SDK1: variants seen among roughly 807,000 people sequenced by gnomAD.
SDK1 encodes the protein protein sidekick-1.
A neutral mutation model predicts 245.5 loss-of-function variants in SDK1; 157 were observed. That is an observed-to-expected ratio of 0.64 (90% CI 0.56 to 0.73). The LOEUF (loss-of-function observed/expected upper bound fraction) is 0.73. Ranked by LOEUF, SDK1 falls within the 30% of genes least tolerant of loss-of-function variation. The pLI is 0.00. For missense variants in SDK1, 3,583 were observed against 3,002.3 expected, an observed-to-expected ratio of 1.19 and a Z score of -4.52; for synonymous variants, 1,647 against 1,278.5, an observed-to-expected ratio of 1.29 and a Z score of -6.15.
chr7:3,740,649 T>G (rs1779452760), intron 4 of SDK1, among the ~76,000 whole-genome samples: 1 of 152,194 alleles, frequency 6.6e-6, no homozygotes, highest in Admixed American at 6.5e-5. Flanking sequence ...ACTGTTGGTT[T>G]TCAAGGGTCC....
rs189387597 is a variant in SDK1, at chr7:4,037,406, G to C, written c.2603-11942G>C. On this transcript the variant is annotated intron_variant, in intron 17 of 44. Transcript: ENST00000404826. ...GGATGAGGTGGGGGGATCAGTGGAA[G>C]CCAGGGGCTTGAGACCAGCTTGGGC... Among the ~76,000 whole-genome samples, 578 of 152,238 alleles carry C rather than the reference G, an allele frequency of 3.8e-3. 2 individuals are homozygous for C. Among genetic ancestry groups the C allele is most frequent in the African/African-American group, 8.2e-3 (340 of 41,544 alleles).
Position 3,987,263 on chromosome 7 carries a change from T to C in SDK1, c.2072T>C (p.Val691Ala). The C allele has an allele frequency of 6.2e-7, 1 of 1,614,112 alleles. No individual in the cohort carries two copies. Among genetic ancestry groups the C allele is most frequent in the Non-Finnish European group, 8.5e-7 (1 of 1,179,996 alleles). ...SHSHAVVLSW[V>A]RPFDGNSPIL... Reference sequence around the variant, plus strand: ...AGCCACGCCGTGGTGCTCTCTTGGGTCCGGCCCTTTGATGGAAACAGTCCT... The same window carrying C: ...AGCCACGCCGTGGTGCTCTCTTGGGCCCGGCCCTTTGATGGAAACAGTCCT... Residue 691 changes from valine to alanine, a missense_variant, in exon 14 of 45, where the codon GTC (valine) becomes GCC (alanine). Coordinates refer to ENST00000404826, the MANE Select transcript of SDK1 (RefSeq NM_152744.4).
chr7:4,170,749 A>G (rs637766), intron 32 of SDK1, among the ~76,000 whole-genome samples: 42,296 of 151,934 alleles, frequency 0.28, 7,614 homozygotes, highest in African/African-American at 0.51. Flanking sequence ...AACCCCATCA[A>G]CACCCCCAGT....
At chr7:4,142,921 T>G (rs2128205539) in intron 28 of SDK1, among the ~76,000 whole-genome samples, 1 of 152,334 alleles carries the variant, frequency 6.6e-6, no homozygotes, top group South Asian at 2.1e-4. Flanking sequence ...CAGAGATGCT[T>G]TTTCCAGGCA....
chr7:3,801,139 T>G (rs1312934523), intron 4 of SDK1, among the ~76,000 whole-genome samples: 2 of 152,228 alleles, frequency 1.3e-5, no homozygotes, highest in Non-Finnish European at 2.9e-5. Flanking sequence ...ATGCGGATGA[T>G]TAAATAAGAC....
At chr7:3,526,854 AT>A (rs1783154366) in intron 1 of SDK1, among the ~76,000 whole-genome samples, 2 of 152,104 alleles carry the variant, frequency 1.3e-5, no homozygotes, top group African/African-American at 4.8e-5. Context: ...TATCTTCCAG[AT>A]TTAGCTTTAT....
At chr7:3,851,724 T>A (rs1780424256) in intron 5 of SDK1, among the ~76,000 whole-genome samples, 1 of 152,170 alleles carries the variant, frequency 6.6e-6, no homozygotes, top group South Asian at 2.1e-4. Flanking sequence ...AAAACCTTCC[T>A]CATAGGTAGA....
At chr7:4,016,382 G>T (rs1786402190) in intron 16 of SDK1, among the ~76,000 whole-genome samples, 1 of 152,358 alleles carries the variant, frequency 6.6e-6, no homozygotes, top group Non-Finnish European at 1.5e-5. Context: ...ATCCAGGAAA[G>T]CTCAATAAAT....
At chr7:4,025,813 T>A (rs889713769) in intron 17 of SDK1, among the ~76,000 whole-genome samples, 1 of 152,210 alleles carries the variant, frequency 6.6e-6, no homozygotes, top group African/African-American at 2.4e-5. Context: ...ACTCTTGCTG[T>A]CTCGAAGTCT....
At chr7:3,774,414 T>A (rs1339260859) in intron 4 of SDK1, among the ~76,000 whole-genome samples, 1 of 152,248 alleles carries the variant, frequency 6.6e-6, no homozygotes, top group East Asian at 1.9e-4. Context: ...CCTTTTTGCC[T>A]ACCAAGGCTC....
chr7:4,051,496 C>T (rs1003265624), intron 18 of SDK1, 142 bp from the exon 19 acceptor site: 18 of 660,408 alleles, frequency 2.7e-5, no homozygotes, highest in African/African-American at 3.8e-5. Context: ...TTTTTTCAAG[C>T]GTGATTATAA....
chr7:3,757,250 C>T (rs191005346), intron 4 of SDK1, among the ~76,000 whole-genome samples: 23 of 152,262 alleles, frequency 1.5e-4, no homozygotes, highest in African/African-American at 5.3e-4. Flanking sequence ...ACTAGAACAG[C>T]TCACAGAACT....
intron 1 of SDK1, among the ~76,000 whole-genome samples, chr7:3,470,704 A>G (rs1781157373): frequency 6.6e-6 from 1 of 152,174 alleles, no homozygotes; most frequent in Non-Finnish European, 1.5e-5. Context: ...GACACAGAAA[A>G]TAGGGTGCCA....
chr7:3,757,069 C>A (rs534211274), intron 4 of SDK1, among the ~76,000 whole-genome samples: 1 of 152,130 alleles, frequency 6.6e-6, no homozygotes, highest in African/African-American at 2.4e-5. Flanking sequence ...CTGACACCAA[C>A]TGGGTGTCCT....
At chr7:3,529,119 A>G (rs1783254779) in intron 1 of SDK1, among the ~76,000 whole-genome samples, 2 of 152,218 alleles carry the variant, frequency 1.3e-5, no homozygotes, top group Non-Finnish European at 2.9e-5. Flanking sequence ...GGGAAAGATT[A>G]AAAAGAACCT....
chr7:3,328,012 CTG>C (rs2128549807), intron 1 of SDK1, among the ~76,000 whole-genome samples: 1 of 152,202 alleles, frequency 6.6e-6, no homozygotes, highest in East Asian at 1.9e-4. Context: ...CCTCTGGAGG[CTG>C]TGAAAATTAG....
At chr7:4,151,696 C>T (rs539463212) in intron 30 of SDK1, among the ~76,000 whole-genome samples, 3 of 152,344 alleles carry the variant, frequency 2.0e-5, no homozygotes, top group South Asian at 4.1e-4. Context: ...TCATTTTCAA[C>T]ACCACTTCCA....
chr7:3,537,820 T>A (rs1778930716), intron 1 of SDK1, among the ~76,000 whole-genome samples: 1 of 152,194 alleles, frequency 6.6e-6, no homozygotes, highest in Non-Finnish European at 1.5e-5. Flanking sequence ...GGTGATAGCC[T>A]GGCTGCCAGT....
At chr7:3,390,056 T>C (rs556948272) in intron 1 of SDK1, among the ~76,000 whole-genome samples, 3 of 152,266 alleles carry the variant, frequency 2.0e-5, no homozygotes, top group East Asian at 3.9e-4. Flanking sequence ...CTTAGAGCTC[T>C]ACGGAAAGCA....
Sources: allele counts gnomAD v4.1 joint callset (sites outside exome capture counted in the v4.1 genomes callset), GRCh38; gene constraint gnomAD v4.1.1; transcripts MANE v1.5; gene names NCBI Gene and HGNC (gene_info 2026-07-23, HGNC 2026-07-21).